Variants in CADPS observed in about 807,000 individuals in gnomAD.
CADPS encodes calcium-dependent secretion activator 1.
Under a neutral mutation model 167.3 loss-of-function variants are expected in CADPS, and 57 were observed. That is an observed-to-expected ratio of 0.34 (90% CI 0.28 to 0.42). The LOEUF is 0.42. Ranked by LOEUF, CADPS falls within the 20% of genes least tolerant of loss-of-function variation. The pLI, the probability that CADPS is intolerant of heterozygous loss-of-function variation, is 1.00. For missense variants in CADPS, 1,414 were observed against 1,738.1 expected (o/e 0.81, Z 3.32); for synonymous variants, 676 against 635.3 (o/e 1.06, Z -0.96).
intron 1 of CADPS, among the ~76,000 whole-genome samples, chr3:62,794,103 T>TA (rs2093188119): frequency 1.3e-5 from 2 of 152,118 alleles, no homozygotes; most frequent in African/African-American, 4.8e-5. Context: ...CTAATTTAAA[T>TA]AAAAAATATG....
intron 9 of CADPS, among the ~76,000 whole-genome samples, chr3:62,557,808 G>T (rs1480644770): frequency 6.6e-6 from 1 of 152,222 alleles, no homozygotes; most frequent in African/African-American, 2.4e-5. Context: ...GTAAGTACTT[G>T]ATGAAGGTTA....
chr3:62,516,125 G>A lies in CADPS; in HGVS notation c.2515C>T (p.Arg839Cys), dbSNP rs766539208. The A allele has an allele frequency of 4.3e-6, 7 of 1,613,158 alleles. No homozygotes were observed. Among genetic ancestry groups the A allele is most frequent in the Admixed American group, 1.7e-5 (1 of 59,948 alleles). The change falls in exon 16 of 30, where the codon CGT becomes TGT. Residue 839 changes from arginine (R) to cysteine (C), a missense_variant. Physicochemically the swap from Arg to Cys is radical, Grantham distance 180. Coordinates refer to ENST00000383710, the MANE Select transcript of CADPS (RefSeq NM_003716.4). ...AACGCAGCCTGTTCCAGACATTTAC[G>A]GATAACTGTTTTTACCTCCTCTTGT... ...VPQEEVKTVI[R>C]KCLEQAALVN...
At chr3:62,869,111 A>G (rs1275946130) in intron 1 of CADPS, among the ~76,000 whole-genome samples, 1 of 152,158 alleles carries the variant, frequency 6.6e-6, no homozygotes, top group African/African-American at 2.4e-5. Context: ...TCTGAAATCC[A>G]AAGTGCTTCA....
intron 1 of CADPS, among the ~76,000 whole-genome samples, chr3:62,846,905 T>G (rs1204825683): frequency 6.6e-6 from 1 of 152,184 alleles, no homozygotes; most frequent in African/African-American, 2.4e-5. Context: ...TGACCTCAAG[T>G]GATCCACCTG....
At chr3:62,494,594 A>AAACAG (rs2064320548) in intron 18 of CADPS, among the ~76,000 whole-genome samples, 1 of 152,114 alleles carries the variant, frequency 6.6e-6, no homozygotes. Context: ...AAACAAAACA[A>AAACAG]AACAAAAAAA....
chr3:62,436,554 A>C (rs2055095968), intron 28 of CADPS, among the ~76,000 whole-genome samples: 1 of 152,210 alleles, frequency 6.6e-6, no homozygotes, highest in Non-Finnish European at 1.5e-5. Flanking sequence ...TGCCCCGGAC[A>C]TTCTAGGCTC....
chr3:62,656,567 C>T (rs1053179630), intron 4 of CADPS, among the ~76,000 whole-genome samples: 2 of 152,082 alleles, frequency 1.3e-5, no homozygotes, highest in Non-Finnish European at 2.9e-5. Context: ...ATGGTGCATC[C>T]TGTATGCATC....
At chr3:62,611,371 A>G (rs2061481434) in intron 6 of CADPS, among the ~76,000 whole-genome samples, 2 of 152,148 alleles carry the variant, frequency 1.3e-5, no homozygotes, top group South Asian at 4.2e-4. Flanking sequence ...ACTTACACTC[A>G]TTCCACCCTG....
At chr3:62,610,785 CT>C (rs1312554396) in intron 6 of CADPS, among the ~76,000 whole-genome samples, 1 of 151,912 alleles carries the variant, frequency 6.6e-6, no homozygotes, top group African/African-American at 2.4e-5. Context: ...CCTCAGTCCC[CT>C]TTGCTGATTT....
chr3:62,724,107 G>A (rs2076312818), intron 3 of CADPS, among the ~76,000 whole-genome samples: 1 of 152,220 alleles, frequency 6.6e-6, no homozygotes, highest in South Asian at 2.1e-4. Context: ...ATGCTCAGGA[G>A]CTCCTCCAAA....
At chr3:62,795,253 A>G (rs1203933898) in intron 1 of CADPS, among the ~76,000 whole-genome samples, 1 of 151,990 alleles carries the variant, frequency 6.6e-6, no homozygotes, top group Non-Finnish European at 1.5e-5. Flanking sequence ...TGAAATCACC[A>G]TCTCTAAGAG....
At chr3:62,508,860 C>T (rs368757418) in intron 17 of CADPS, among the ~76,000 whole-genome samples, 15 of 152,220 alleles carry the variant, frequency 9.9e-5, no homozygotes, top group African/African-American at 3.4e-4. Flanking sequence ...TATTTTAACA[C>T]ATCCTTTTTT....
chr3:62,417,537 G>A (rs1372938120), intron 28 of CADPS, among the ~76,000 whole-genome samples: 11 of 151,662 alleles, frequency 7.3e-5, no homozygotes, highest in South Asian at 2.1e-4. Flanking sequence ...CACCTGCCTC[G>A]GCCTCCCAAA....
intron 6 of CADPS, among the ~76,000 whole-genome samples, chr3:62,628,619 A>G (rs1036714034): frequency 9.6e-6 from 1 of 103,808 alleles, no homozygotes; most frequent in African/African-American, 3.7e-5. Context: ...CCATTCAACC[A>G]TGAGCCTTTT....
rs545435142 is a variant in CADPS, at chr3:62,555,986, C to T, written c.1753+1419G>A. ...CCAGGCTTGTCGTGAACTTTGGTCT[C>T]AAGCGATCCTCTCGCCTTGGGATTG... On this transcript the variant is annotated intron_variant, in intron 10 of 29. Coordinates refer to ENST00000383710, the MANE Select transcript of CADPS (RefSeq NM_003716.4). 9.9e-4 allele frequency among the ~76,000 whole-genome samples: 151 copies of T among 152,226 alleles called. 1 individual carries two copies. Among genetic ancestry groups the T allele is most frequent in the Admixed American group, 3.4e-3 (52 of 15,280 alleles).
intron 26 of CADPS, among the ~76,000 whole-genome samples, chr3:62,461,037 C>T (rs1304681714): frequency 2.0e-5 from 3 of 152,170 alleles, no homozygotes; most frequent in South Asian, 4.1e-4. Flanking sequence ...GCCTGGGCTA[C>T]TCCTACATCT....
intron 3 of CADPS, among the ~76,000 whole-genome samples, chr3:62,693,753 A>G (rs2079679175): frequency 6.6e-6 from 1 of 151,110 alleles, no homozygotes; most frequent in Non-Finnish European, 1.5e-5. Context: ...TCACTGCACT[A>G]CAGCCTGGGT....
chr3:62,657,693 G>A (rs1356392971), intron 4 of CADPS, among the ~76,000 whole-genome samples: 5 of 152,134 alleles, frequency 3.3e-5, no homozygotes. Flanking sequence ...TCTGTCTGAT[G>A]TTCTTGTGCA....
At position 62,874,831 on chromosome 3, in the gene CADPS, TGCCCCCGCCGCC is replaced by T. The variant is rs2083369514; in HGVS notation, c.187_198del (p.Gly63_Gly66del). ...GCCCCGCCGCCGCTGCTCGCGCCGC[TGCCCCCGCCGCC>T]GCCTGCACCCACCCCGGCTCCGGCG... On this transcript the variant is annotated inframe_deletion, in exon 1 of 30. Transcript: ENST00000383710. The surrounding 1 kb of genome is among the most constrained non-coding windows in gnomAD (Gnocchi z 7.1). 6 of 1,032,054 alleles carry T rather than the reference TGCCCCCGCCGCC, an allele frequency of 5.8e-6. No individual in the cohort carries two copies. In the South Asian group the frequency reaches 2.3e-4, roughly 39 times the overall value. 63.9% of individuals were successfully genotyped at this position (1,032,054 alleles called of 1,614,324 possible).
Sources: allele counts gnomAD v4.1 joint callset (sites outside exome capture counted in the v4.1 genomes callset), GRCh38; gene constraint gnomAD v4.1.1; non-coding constraint Gnocchi (gnomAD v3.1); transcripts MANE v1.5; gene names NCBI Gene and HGNC (gene_info 2026-07-23, HGNC 2026-07-21).